The following CLIP4 variants were observed in gnomAD, a reference collection of about 807,000 sequenced individuals.
CLIP4 encodes CAP-Gly domain containing linker protein family member 4.
Under a neutral mutation model 73.1 loss-of-function variants are expected in CLIP4, and 47 were observed. The observed-to-expected ratio is 0.64, with a 90% CI of 0.51 to 0.82. CLIP4 has a LOEUF of 0.82. Among genes scored for constraint, CLIP4 ranks in the 40% least tolerant of loss-of-function variants. The pLI is 0.00. For synonymous variants in CLIP4, 306 were observed against 295.4 expected (o/e 1.04, Z -0.37); for missense variants, 874 against 852.9 (o/e 1.02, Z -0.31).
At chr2:29,173,422 T>C (rs1022881887) in intron 14 of CLIP4, among the ~76,000 whole-genome samples, 14 of 152,180 alleles carry the variant, frequency 9.2e-5, no homozygotes, top group African/African-American at 3.1e-4. Flanking sequence ...CAAGAATCTT[T>C]TGTGAGAATC....
chr2:29,132,621 A>C, intron 4 of CLIP4: 1 of 177,642 alleles, frequency 5.6e-6, no homozygotes, highest in African/African-American at 2.3e-5. Context: ...CTGTTCCTAC[A>C]TATGTAACAT....
intron 3 of CLIP4, chr2:29,131,937 A>G (rs765318931): frequency 2.7e-5 from 13 of 486,356 alleles, no homozygotes; most frequent in Non-Finnish European, 4.7e-5. Context: ...AATAATCTTT[A>G]AGAATTTCCT....
intron 15 of CLIP4, among the ~76,000 whole-genome samples, chr2:29,180,103 AGTGTT>A (rs1668561509): frequency 6.6e-6 from 1 of 152,234 alleles, no homozygotes. Context: ...GATCCTGTGT[AGTGTT>A]AGTAACAAGT....
chr2:29,131,413 A>G lies in CLIP4; in HGVS notation c.273+16A>G, dbSNP rs779673429. On this transcript the variant is annotated intron_variant, in intron 3 of 15. Coordinates refer to ENST00000320081, the MANE Select transcript of CLIP4 (RefSeq NM_024692.6). ...TGGAAATGAGGTAAGGAATTCTTAC[A>G]TTTTAAGTTTTGCATTGTTAGGATT... 6.3e-7 allele frequency: 1 copy of G among 1,582,172 alleles called. No individual in the cohort carries two copies. The highest frequency in any genetic ancestry group is 1.2e-5 in the South Asian group (1 of 83,942).
At chr2:29,098,022 G>A (rs1461742438) in intron 1 of CLIP4, 1 of 152,228 alleles carries the variant, frequency 6.6e-6, no homozygotes, top group African/African-American at 2.4e-5. Context: ...AGGCAGAGGT[G>A]AGTATCCTGA....
intron 1 of CLIP4, among the ~76,000 whole-genome samples, chr2:29,104,517 G>A (rs114037541): frequency 0.012 from 1,778 of 151,992 alleles, 36 homozygotes; most frequent in African/African-American, 0.041. Context: ...GAACTCCTGT[G>A]CTTAAGTGAT....
chr2:29,099,889 C>G (rs1273584815), intron 1 of CLIP4, among the ~76,000 whole-genome samples: 1 of 152,088 alleles, frequency 6.6e-6, no homozygotes, highest in Non-Finnish European at 1.5e-5. Context: ...TCCTTATATA[C>G]ATTTTGTACA....
At chr2:29,143,559 G>A in intron 6 of CLIP4, 150 bp from the exon 7 acceptor site, 1 of 628,286 alleles carries the variant, frequency 1.6e-6, no homozygotes. Context: ...CACCTAGAAT[G>A]GTGTCTGCAT....
intron 15 of CLIP4, among the ~76,000 whole-genome samples, chr2:29,180,721 A>G (rs534283295): frequency 7.9e-5 from 12 of 152,318 alleles, no homozygotes; most frequent in Admixed American, 7.2e-4. Flanking sequence ...TAATATTGAT[A>G]GCAATTAAAA....
At chr2:29,176,614 A>G (rs914677276) in intron 15 of CLIP4, among the ~76,000 whole-genome samples, 2 of 152,176 alleles carry the variant, frequency 1.3e-5, no homozygotes, top group African/African-American at 2.4e-5. Context: ...AGAACACTGT[A>G]TGTCCAGTGC....
Position 29,132,433 on chromosome 2 carries a change from C to T in CLIP4, c.367+188C>T, listed in dbSNP as rs1572908889. 6.8e-6 allele frequency: 4 copies of T among 587,600 alleles called. No homozygotes were observed. The East Asian group carries it at 1.1e-4, about 17-fold the overall frequency. 36.4% of individuals were successfully genotyped at this position (587,600 alleles called of 1,614,324 possible). A position where few individuals can be genotyped will look rare whatever the true frequency, so the allele number is the denominator to read the frequency against. On this transcript the variant is annotated intron_variant, in intron 4 of 15. Transcript: ENST00000320081. ...CCCTTTAATCAAGGAGGTCTTTATA[C>T]CCTCCTGATACCTCTTAACTTTTCT...
intron 15 of CLIP4, among the ~76,000 whole-genome samples, chr2:29,179,888 A>G (rs550888254): frequency 6.6e-6 from 1 of 152,298 alleles, no homozygotes; most frequent in Non-Finnish European, 1.5e-5. Context: ...ACTATTTTCT[A>G]ATTAGAATTC....
intron 9 of CLIP4, among the ~76,000 whole-genome samples, chr2:29,155,405 T>TACAC (rs10602734): frequency 8.6e-5 from 13 of 151,014 alleles, no homozygotes; most frequent in African/African-American, 2.4e-4. Context: ...CCCAAGTGTA[T>TACAC]ACACACACAC....
intron 14 of CLIP4, 52 bp from the exon 15 acceptor site, chr2:29,174,321 A>G: frequency 7.5e-7 from 1 of 1,335,102 alleles, no homozygotes. Context: ...CATTTTAAAT[A>G]AGGACTGAAA....
chr2:29,142,105 T>C (rs1188079251), intron 6 of CLIP4, among the ~76,000 whole-genome samples: 4 of 152,212 alleles, frequency 2.6e-5, no homozygotes, highest in Non-Finnish European at 5.9e-5. Flanking sequence ...ACATAGACTA[T>C]GTGCTTAAGT....
intron 2 of CLIP4, among the ~76,000 whole-genome samples, chr2:29,122,807 C>G (rs1664348033): frequency 9.4e-6 from 1 of 106,362 alleles, no homozygotes; most frequent in African/African-American, 3.7e-5. Context: ...GCCTGGGCCA[C>G]AGAGTGAGAC....
intron 6 of CLIP4, among the ~76,000 whole-genome samples, chr2:29,141,908 A>G (rs1176063646): frequency 2.0e-5 from 3 of 152,126 alleles, no homozygotes. Context: ...TGGAGTCTAT[A>G]GACTATGTGC....
intron 15 of CLIP4, among the ~76,000 whole-genome samples, chr2:29,177,332 C>A (rs1337313002): frequency 2.6e-5 from 4 of 151,386 alleles, no homozygotes; most frequent in Admixed American, 2.6e-4. Flanking sequence ...TCACTTGAAC[C>A]TGGGAGGCAG....
At chr2:29,104,589 T>C (rs990331561) in intron 1 of CLIP4, among the ~76,000 whole-genome samples, 5 of 152,202 alleles carry the variant, frequency 3.3e-5, no homozygotes, top group Non-Finnish European at 5.9e-5. Flanking sequence ...GCCCAGCCTC[T>C]GGGGTCTCTT....
Sources: gnomAD v4.1 joint callset for allele counts (sites outside exome capture counted in the v4.1 genomes callset) on GRCh38, gnomAD v4.1.1 for gene constraint, MANE v1.5 for transcripts, NCBI Gene and HGNC (gene_info 2026-07-23, HGNC 2026-07-21) for gene names.